EEF1AKMT3: variants seen among roughly 807,000 people sequenced by gnomAD.
EEF1AKMT3 encodes the protein eEF1A-KMT3.
Under a neutral mutation model 17.8 loss-of-function variants are expected in EEF1AKMT3, and 17 were observed. That is an observed-to-expected ratio of 0.96 (90% confidence interval 0.65 to 1.43). The LOEUF (loss-of-function observed/expected upper bound fraction) is 1.43. Among genes scored for constraint, EEF1AKMT3 ranks in the 40% most tolerant of loss-of-function variants. The probability of loss-of-function intolerance (pLI) is 0.00; values close to 1 mark genes in which losing one functional copy is unlikely to be tolerated. For synonymous variants in EEF1AKMT3, 116 were observed against 126.5 expected (o/e 0.92, Z 0.56); for missense variants, 244 against 285.8 (o/e 0.85, Z 1.06).
At chr12:57,774,871 C>T (rs1280780402) in intron 2 of EEF1AKMT3, 48 of 1,059,118 alleles carry the variant, frequency 4.5e-5, no homozygotes, top group South Asian at 1.7e-4. Context: ...TTTGGGAGGC[C>T]GAGGCAGGCG....
rs1263137193 is a variant in EEF1AKMT3 at position 57,772,901 on chromosome 12, G to A, written c.177G>A (p.Ala59=). The change falls in exon 1 of 3, where the codon GCG becomes GCA. Residue 59 remains alanine, a splice_region_variant and synonymous_variant. Transcript: ENST00000300209. This position sits in a 1 kb window ranked among gnomAD's most constrained non-coding sequence, Gnocchi z 4.1. ...GGGTGGCGGCGCGCGTGTGGGACGC[G>A]GTGAGGAATGGGCTGCGCCGGGTGA... The part of the protein sequence containing the change: ...RLGVAARVWD[A]ALSLCNYFES... 19 of 1,613,804 alleles carry A rather than the reference G, an allele frequency of 1.2e-5. No homozygotes were observed. The Admixed American group carries it at 3.0e-4, about 25-fold the overall frequency.
intron 2 of EEF1AKMT3, among the ~76,000 whole-genome samples, chr12:57,780,000 T>G (rs1565817893): frequency 6.6e-6 from 1 of 152,236 alleles, no homozygotes; most frequent in Non-Finnish European, 1.5e-5. Flanking sequence ...CCCAGGCTTC[T>G]GCTGACATCT....
rs745511139 is a variant in EEF1AKMT3, at chr12:57,780,240, C to T, written c.290-15C>T. ...GTTCCTCTGACTTGCATTTTTCCTC[C>T]TTCCTCTCTCTCAGGGGGGGATGTT... is the stretch of plus-strand genomic sequence containing the variant. On this transcript the variant is annotated splice_polypyrimidine_tract_variant and intron_variant, in intron 2 of 2. Coordinates refer to ENST00000300209, the MANE Select transcript of EEF1AKMT3 (RefSeq NM_015433.3). 1.2e-6 allele frequency: 2 copies of T among 1,605,618 alleles called. No homozygotes were observed. Among genetic ancestry groups the T allele is most frequent in the Non-Finnish European group, 1.7e-6 (2 of 1,178,038 alleles).
rs749215762 is a variant in EEF1AKMT3 at position 57,780,613 on chromosome 12, T to C, written c.648T>C (p.Tyr216=). The change falls in exon 3 of 3, where the codon TAT becomes TAC. Residue 216 remains tyrosine (Y), a synonymous_variant. Transcript: ENST00000300209. ...ATGAGGATGAAAATGTCAACATCTA[T>C]AGGGCCAGGCACAGGGAACCAAGAC... ...QRDEDENVNI[Y]RARHREPRPA is the part of the protein sequence containing the mutation. 35 of 1,611,076 alleles carry C rather than the reference T, an allele frequency of 2.2e-5. No homozygotes were observed. The highest frequency in any genetic ancestry group is 2.9e-5 in the Non-Finnish European group (34 of 1,180,018).
chr12:57,774,494 G>A, intron 2 of EEF1AKMT3: 3 of 571,442 alleles, frequency 5.2e-6, no homozygotes, highest in Non-Finnish European at 9.6e-6. Flanking sequence ...AATAAAAAAA[G>A]GGAAATCTTC....
At chr12:57,773,478 G>A (rs1433334837) in intron 2 of EEF1AKMT3, among the ~76,000 whole-genome samples, 1 of 151,864 alleles carries the variant, frequency 6.6e-6, no homozygotes, top group African/African-American at 2.4e-5. Flanking sequence ...CCAGGCTGGA[G>A]TGCAGTGGCT....
Position 57,773,041 on chromosome 12 carries a change from G to C in EEF1AKMT3, c.202G>C (p.Glu68Gln). Residue 68 changes from glutamate (E) to glutamine (Q), a missense_variant, in exon 2 of 3, where the codon GAG becomes CAG. Transcript: ENST00000300209. ...DAALSLCNYFESQNVDFRGKK... is the reference protein window; with the variant it reads ...DAALSLCNYFQSQNVDFRGKK... ...GGCCCTGAGCCTGTGCAATTATTTC[G>C]AGAGTCAAAATGTGGATTTCCGAGG... 1 of 1,614,096 alleles carries C rather than the reference G, an allele frequency of 6.2e-7. No homozygotes were observed. Among genetic ancestry groups the C allele is most frequent in the Non-Finnish European group, 8.5e-7 (1 of 1,180,028 alleles).
chr12:57,774,478 C>G (rs1173679037), intron 2 of EEF1AKMT3: 1 of 557,138 alleles, frequency 1.8e-6, no homozygotes, highest in East Asian at 3.0e-5. Context: ...GAAACTCTGT[C>G]TCAAAAATAA....
In EEF1AKMT3 at chr12:57,781,013, GT is replaced by G. The variant is rs1258179608; in HGVS notation, c.*370del. 7.8e-6 allele frequency: 2 copies of G among 256,604 alleles called. No homozygotes were observed. The highest frequency in any genetic ancestry group is 1.1e-4 in the Admixed American group (2 of 19,026). 15.9% of individuals were successfully genotyped at this position (256,604 alleles called of 1,614,324 possible). A position where few individuals can be genotyped will look rare whatever the true frequency, so the allele number is the denominator to read the frequency against. On this transcript the variant is annotated 3_prime_UTR_variant, in exon 3 of 3. Coordinates refer to ENST00000300209, the MANE Select transcript of EEF1AKMT3 (RefSeq NM_015433.3). ...ACTGATCACTTCCATTCCTGTTGCT[GT>G]TTACACAGAATGGACTTTAAAAAAA...
At position 57,773,012 on chromosome 12, in the gene EEF1AKMT3, C is replaced by T. The variant is rs376783386; in HGVS notation, c.178-5C>T. On this transcript the variant is annotated splice_region_variant and splice_polypyrimidine_tract_variant and intron_variant, in intron 1 of 2. Transcript: ENST00000300209. ...CTGTCTTTTTCTCTGTCTTTTCTCC[C>T]GTAGGCCCTGAGCCTGTGCAATTAT... The T allele has an allele frequency of 1.0e-4, 168 of 1,614,104 alleles. No homozygotes were observed. The Middle Eastern group carries it at 3.1e-3, about 30-fold the overall frequency.
rs1362062130 is a variant in EEF1AKMT3, at chr12:57,780,637, A to T, written c.672A>T (p.Arg224Ser). The change falls in exon 3 of 3, where the codon AGA (arginine) becomes AGT (serine). Residue 224 changes from arginine to serine, a missense_variant. Physicochemically the swap from Arg to Ser is moderately radical, Grantham distance 110. Transcript: ENST00000300209. ...ATAGGGCCAGGCACAGGGAACCAAGACCTGCTTGACATCACCCTTGCTGTT... is the reference window on the plus strand; with the variant it reads ...ATAGGGCCAGGCACAGGGAACCAAGTCCTGCTTGACATCACCCTTGCTGTT... ...NIYRARHREP[R>S]PA 1 of 1,606,826 alleles carries T rather than the reference A, an allele frequency of 6.2e-7. No individual in the cohort carries two copies. Among genetic ancestry groups the T allele is most frequent in the African/African-American group, 1.3e-5 (1 of 74,906 alleles).
intron 2 of EEF1AKMT3, chr12:57,774,708 A>G (rs200212599): frequency 6.2e-7 from 1 of 1,613,228 alleles, no homozygotes; most frequent in Non-Finnish European, 8.5e-7. Flanking sequence ...GAGCCTGTGG[A>G]CATGCTCTAT....
intron 2 of EEF1AKMT3, among the ~76,000 whole-genome samples, chr12:57,777,441 A>G (rs1476489515): frequency 6.6e-6 from 1 of 152,108 alleles, no homozygotes; most frequent in Non-Finnish European, 1.5e-5. Context: ...CTTCATTTCC[A>G]ACTCCAGGTT....
intron 2 of EEF1AKMT3, among the ~76,000 whole-genome samples, chr12:57,776,364 A>T (rs903630925): frequency 1.3e-5 from 2 of 152,178 alleles, no homozygotes; most frequent in Non-Finnish European, 2.9e-5. Flanking sequence ...CAGCTCAAAC[A>T]TCACTTCGAA....
At chr12:57,776,407 C>T (rs530932692) in intron 2 of EEF1AKMT3, among the ~76,000 whole-genome samples, 45 of 152,358 alleles carry the variant, frequency 3.0e-4, no homozygotes, top group African/African-American at 1.0e-3. Flanking sequence ...CACTCCTAGG[C>T]TAACTTAGAC....
Position 57,780,520 on chromosome 12 carries a change from G to A in EEF1AKMT3, c.555G>A (p.Glu185=), listed in dbSNP as rs1177749660. 1.2e-6 allele frequency: 2 copies of A among 1,614,042 alleles called. No individual in the cohort carries two copies. The highest frequency in any genetic ancestry group is 1.6e-4 in the Middle Eastern group (1 of 6,084). ...TIYLASKMRK[E]HGTESFFQHL... is the part of the protein sequence containing the mutation. The stretch of plus-strand genomic sequence containing the variant: ...ATCTGGCCTCCAAGATGAGAAAGGA[G>A]CATGGGACAGAGAGCTTCTTTCAGC... The change falls in exon 3 of 3, where the codon GAG becomes GAA. Residue 185 remains glutamate (E), a synonymous_variant. Transcript: ENST00000300209.
At chr12:57,778,210 G>A (rs1197782488) in intron 2 of EEF1AKMT3, among the ~76,000 whole-genome samples, 2 of 148,618 alleles carry the variant, frequency 1.3e-5, no homozygotes, top group Admixed American at 6.8e-5. Flanking sequence ...TCCAAATTGC[G>A]CCTCCTGCAA....
intron 2 of EEF1AKMT3, chr12:57,774,905 A>C: frequency 1.5e-6 from 1 of 680,004 alleles, no homozygotes; most frequent in Non-Finnish European, 2.4e-6. Context: ...CAGGAGTTTG[A>C]GACCAGCCTG....
intron 2 of EEF1AKMT3, among the ~76,000 whole-genome samples, chr12:57,777,491 C>T (rs1655448872): frequency 6.6e-6 from 1 of 152,170 alleles, no homozygotes; most frequent in South Asian, 2.1e-4. Context: ...CCTTTGATAA[C>T]TTTGCATTTG....
Sources: allele counts gnomAD v4.1 joint callset (sites outside exome capture counted in the v4.1 genomes callset), GRCh38; gene constraint gnomAD v4.1.1; non-coding constraint Gnocchi (gnomAD v3.1); transcripts MANE v1.5; gene names NCBI Gene and HGNC (gene_info 2026-07-23, HGNC 2026-07-21).